Variants in DNAH2 observed in about 807,000 individuals in gnomAD.
DNAH2 encodes dynein axonemal heavy chain 2, also known as axonemal beta dynein heavy chain 2.
A neutral mutation model predicts 523.5 loss-of-function variants in DNAH2; 323 were observed. The ratio of observed to expected loss-of-function variants is 0.62; its 90% CI spans 0.56 to 0.68. DNAH2 has a LOEUF of 0.68. Among genes scored for constraint, DNAH2 ranks in the 30% least tolerant of loss-of-function variants. The pLI, the probability that DNAH2 is intolerant of heterozygous loss-of-function variation, is 0.00. For missense variants in DNAH2, 4,907 were observed against 5,701.5 expected (o/e 0.86, Z 4.49); for synonymous variants, 2,093 against 2,177.4 (o/e 0.96, Z 1.08).
At chr17:7,777,330 G>A (rs2076483125) in intron 32 of DNAH2, 116 bp from the exon 33 acceptor site, 2 of 1,114,448 alleles carry the variant, frequency 1.8e-6, no homozygotes, top group African/African-American at 3.1e-5. Context: ...ATTACCAGGA[G>A]TTACAGCAGG....
chr17:7,833,010 G>C, intron 84 of DNAH2, 61 bp from the exon 85 acceptor site: 1 of 1,613,210 alleles, frequency 6.2e-7, no homozygotes, highest in African/African-American at 1.3e-5. Flanking sequence ...AGAGGGAGCA[G>C]GTCAGGGGCG....
rs2075086129 is a variant in DNAH2, at chr17:7,734,508, C to T, written c.778C>T (p.Leu260Phe). Residue 260 changes from leucine (L) to phenylalanine (F), a missense_variant, in exon 7 of 86, where the codon CTC becomes TTC. By Grantham distance (22) the Leu-to-Phe change is conservative (BLOSUM62 0). Around this residue, in one of 3 missense-constraint regions of DNAH2, gnomAD observed 2,806 missense variants for 3,190.8 expected, o/e 0.88. Coordinates refer to ENST00000572933, the MANE Select transcript of DNAH2 (RefSeq NM_020877.5). ...CTGGACCCGGCAGATAAAGGAGATG[C>T]TCAGTGCCCAGGAGACTGTGGAGAC... is the stretch of plus-strand genomic sequence containing the variant. ...IHWTRQIKEM[L>F]SAQETVETGE... The T allele has an allele frequency of 6.2e-7, 1 of 1,613,850 alleles. No individual in the cohort carries two copies. Among genetic ancestry groups the T allele is most frequent in the Non-Finnish European group, 8.5e-7 (1 of 1,180,008 alleles).
intron 8 of DNAH2, 103 bp downstream of exon 8, chr17:7,737,361 G>T: frequency 7.9e-7 from 1 of 1,263,358 alleles, no homozygotes. Context: ...TGAAAAGGTA[G>T]TGAAGATTGC....
chr17:7,728,666 A>C (rs984229139), intron 4 of DNAH2, among the ~76,000 whole-genome samples: 12 of 152,228 alleles, frequency 7.9e-5, no homozygotes, highest in Admixed American at 5.9e-4. Context: ...GTTTCGGAGT[A>C]GGAATCTTAA....
intron 44 of DNAH2, 26 bp downstream of exon 44, chr17:7,788,270 C>T: frequency 6.5e-7 from 1 of 1,540,896 alleles, no homozygotes; most frequent in Non-Finnish European, 8.8e-7. Flanking sequence ...AGACCACGGG[C>T]AGGGGCAGGG....
chr17:7,794,886 C>T (rs945469800), intron 49 of DNAH2, among the ~76,000 whole-genome samples: 6 of 151,702 alleles, frequency 4.0e-5, no homozygotes, highest in Non-Finnish European at 5.9e-5. Context: ...TCCAGAGTAG[C>T]TGGGACTACA....
Position 7,757,077 on chromosome 17 carries a change from GCT to G in DNAH2, c.1905-6_1905-5del. On this transcript the variant is annotated splice_polypyrimidine_tract_variant and intron_variant, in intron 12 of 85. Coordinates refer to ENST00000572933, the MANE Select transcript of DNAH2 (RefSeq NM_020877.5). ...CGTGCGGTCCCCTCACTGCCTGGCT[GCT>G]CTCTCTCAAAGGTCCCTTCTGATTC... 1 of 1,613,824 alleles carries G rather than the reference GCT, an allele frequency of 6.2e-7. No individual in the cohort carries two copies. Among genetic ancestry groups the G allele is most frequent in the Non-Finnish European group, 8.5e-7 (1 of 1,179,812 alleles).
Position 7,754,453 on chromosome 17 carries a change from A to G in DNAH2, c.1905-2638A>G. The G allele has an allele frequency of 1.5e-6, 1 of 677,876 alleles. No individual in the cohort carries two copies. Among genetic ancestry groups the G allele is most frequent in the Admixed American group, 2.3e-5 (1 of 43,606 alleles). The allele number at this position is 677,876 out of a possible 1,614,324, so 42.0% of individuals were successfully genotyped here. ...AAAATGGCACAGAAATGGTATCAAG[A>G]AACCGCGATCACAAAGATACAAATC... On this transcript the variant is annotated intron_variant, in intron 12 of 85. Coordinates refer to ENST00000572933, the MANE Select transcript of DNAH2 (RefSeq NM_020877.5). This position sits in a 1 kb window ranked among gnomAD's most constrained non-coding sequence, Gnocchi z 4.6.
At chr17:7,797,647 T>C (rs1410715837) in intron 52 of DNAH2, 33 bp from the exon 53 acceptor site, 2 of 1,613,862 alleles carry the variant, frequency 1.2e-6, no homozygotes, top group African/African-American at 1.3e-5. Flanking sequence ...AACCAGGCAT[T>C]TGTGACTCTG....
In DNAH2 at chr17:7,774,776, A is replaced by G. The variant is rs1333566738; in HGVS notation, c.4519A>G (p.Ile1507Val). The change falls in exon 29 of 86, where the codon ATA (isoleucine) becomes GTA (valine). Residue 1507 changes from isoleucine (I) to valine (V), a missense_variant. Ile to Val is a conservative substitution (Grantham distance 29). Coordinates refer to ENST00000572933, the MANE Select transcript of DNAH2 (RefSeq NM_020877.5). ...THHPGLLDTL[I>V]EMNTILEDIQ... is the part of the protein sequence containing the mutation. ...CTTCCCAGGCCTCCTGGACACATTGATAGAAATGAATACAATCCTGGAAGA... is the reference window on the plus strand; with the variant it reads ...CTTCCCAGGCCTCCTGGACACATTGGTAGAAATGAATACAATCCTGGAAGA... 1 of 1,614,160 alleles carries G rather than the reference A, an allele frequency of 6.2e-7. No homozygotes were observed. Among genetic ancestry groups the G allele is most frequent in the Non-Finnish European group, 8.5e-7 (1 of 1,180,014 alleles).
In DNAH2 at chr17:7,824,518, C is replaced by CCCTG; in HGVS notation, c.11663-18_11663-15dup. The CCCTG allele has an allele frequency of 1.3e-6, 2 of 1,524,336 alleles. No individual in the cohort carries two copies. Among genetic ancestry groups the CCCTG allele is most frequent in the South Asian group, 2.5e-5 (2 of 79,586 alleles). The allele number at this position is 1,524,336 out of a possible 1,614,324, so 94.4% of individuals were successfully genotyped here. ...GGGCTTAGGAAATGATTCCCACTGA[C>CCCTG]CCTGGCATCTCCTTGCAGGACACTG... On this transcript the variant is annotated intron_variant, in intron 76 of 85. Transcript: ENST00000572933.
At chr17:7,741,303 T>TTCCTTCCTTCCTTCCC (rs1477805088) in intron 11 of DNAH2, among the ~76,000 whole-genome samples, 1 of 76,812 alleles carries the variant, frequency 1.3e-5, no homozygotes, top group Non-Finnish European at 2.4e-5. Context: ...TCTTCCTTCC[T>TTCCTTCCTTCCTTCCC]TCCCTCCCTC....
At chr17:7,756,972 C>T in intron 12 of DNAH2, 119 bp from the exon 13 acceptor site, 1 of 1,463,350 alleles carries the variant, frequency 6.8e-7, no homozygotes. Flanking sequence ...TACCAGGCCT[C>T]TGCTTCATTT....
At chr17:7,790,510 C>T (rs139429983) in intron 44 of DNAH2, among the ~76,000 whole-genome samples, 3,225 of 152,274 alleles carry the variant, frequency 0.021, 51 homozygotes, top group Middle Eastern at 0.061. Flanking sequence ...GCATGAGCCA[C>T]CACACCAGGC....
chr17:7,831,053 C>T lies in DNAH2; in HGVS notation c.12231-33C>T, dbSNP rs1026925516. 2.5e-6 allele frequency: 4 copies of T among 1,600,122 alleles called. No homozygotes were observed. The highest frequency in any genetic ancestry group is 1.7e-5 in the Admixed American group (1 of 59,892). ...CCTGGCATTGAGGGCTGAGTCCCCACAATGTGGCAGTAATTATGCTATGAC... is the reference window on the plus strand; with the variant it reads ...CCTGGCATTGAGGGCTGAGTCCCCATAATGTGGCAGTAATTATGCTATGAC... On this transcript the variant is annotated intron_variant, in intron 79 of 85. Transcript: ENST00000572933. The surrounding 1 kb of genome is among the most constrained non-coding windows in gnomAD (Gnocchi z 4.2).
At chr17:7,810,067 C>CT (rs578080579) in intron 63 of DNAH2, among the ~76,000 whole-genome samples, 1,450 of 127,264 alleles carry the variant, frequency 0.011, 21 homozygotes, top group African/African-American at 0.036. Flanking sequence ...TCTTTTTTTT[C>CT]TTTTTTTTTT....
intron 76 of DNAH2, 97 bp from the exon 77 acceptor site, chr17:7,824,439 AG>A: frequency 7.2e-7 from 1 of 1,395,094 alleles, no homozygotes; most frequent in Non-Finnish European, 9.4e-7. Flanking sequence ...TCTTAGTGTT[AG>A]GCCCCCCCAG....
chr17:7,793,487 C>G (rs1445728090), intron 48 of DNAH2, among the ~76,000 whole-genome samples: 3 of 134,998 alleles, frequency 2.2e-5, no homozygotes, highest in Non-Finnish European at 5.1e-5. Flanking sequence ...TTCTTTCTTT[C>G]TTTCTTTCTT....
intron 2 of DNAH2, among the ~76,000 whole-genome samples, chr17:7,723,426 C>T (rs1376928893): frequency 2.0e-5 from 3 of 151,462 alleles, no homozygotes; most frequent in Admixed American, 2.0e-4. Flanking sequence ...ACACCCGCCA[C>T]CACACCTGGC....
Sources: allele counts gnomAD v4.1 joint callset (sites outside exome capture counted in the v4.1 genomes callset), GRCh38; gene constraint gnomAD v4.1.1; regional missense constraint gnomAD v4.1.1; non-coding constraint Gnocchi (gnomAD v3.1); transcripts MANE v1.5; gene names NCBI Gene and HGNC (gene_info 2026-07-23, HGNC 2026-07-21).